Variants in SLX4IP observed in about 807,000 individuals in gnomAD.
SLX4IP encodes the protein SLX4 interacting protein.
Under a neutral mutation model 32.9 loss-of-function variants are expected in SLX4IP, and 34 were observed. That is an observed-to-expected ratio of 1.03 (90% CI 0.79 to 1.38). The LOEUF (loss-of-function observed/expected upper bound fraction) is 1.38. SLX4IP is among the 40% of genes most tolerant of loss of function. The pLI is 0.00. For synonymous variants in SLX4IP, 172 were observed against 171.7 expected, an observed-to-expected ratio of 1.00 and a Z score of -0.01; for missense variants, 444 against 479.0, an observed-to-expected ratio of 0.93 and a Z score of 0.68.
At chr20:10,441,423 C>T (rs1380809075) in intron 1 of SLX4IP, among the ~76,000 whole-genome samples, 12 of 152,044 alleles carry the variant, frequency 7.9e-5, no homozygotes, top group African/African-American at 2.2e-4. Flanking sequence ...GGCAACAGAC[C>T]GAGACCCTGT....
At chr20:10,556,403 G>C in intron 3 of SLX4IP, 83 bp downstream of exon 3, 1 of 1,344,880 alleles carries the variant, frequency 7.4e-7, no homozygotes, top group Admixed American at 2.1e-5. Context: ...TTTCATTTCT[G>C]TTAGTGGGAA....
intron 4 of SLX4IP, among the ~76,000 whole-genome samples, chr20:10,569,295 C>T (rs1194406882): frequency 1.3e-5 from 2 of 151,770 alleles, no homozygotes; most frequent in African/African-American, 2.4e-5. Context: ...AAGCGATTCT[C>T]CTGCCTCAGC....
chr20:10,452,149 A>G (rs919666253), intron 1 of SLX4IP, among the ~76,000 whole-genome samples: 3 of 152,176 alleles, frequency 2.0e-5, no homozygotes, highest in African/African-American at 7.2e-5. Context: ...AGGCTTGTGA[A>G]TTATGGTGTC....
rs942300845 is a variant in SLX4IP, at chr20:10,516,404, T to C, written c.28-39827T>C. On this transcript the variant is annotated intron_variant, in intron 2 of 7. Transcript: ENST00000334534. ...ACAGATTAATGTTGATTAATGTTAT[T>C]GAGCAAAGCTGAGGTATGATTCTAA... Among the ~76,000 whole-genome samples, 4 of 152,256 alleles carry C rather than the reference T, an allele frequency of 2.6e-5. No individual in the cohort carries two copies. The East Asian group carries it at 7.7e-4, about 29-fold the overall frequency.
chr20:10,457,016 A>G (rs1159744910), intron 1 of SLX4IP, among the ~76,000 whole-genome samples: 2 of 152,112 alleles, frequency 1.3e-5, no homozygotes, highest in African/African-American at 2.4e-5. Context: ...TTATTTTAGG[A>G]CTATTCATTG....
intron 2 of SLX4IP, among the ~76,000 whole-genome samples, chr20:10,470,710 G>C (rs1442095694): frequency 2.6e-5 from 4 of 152,142 alleles, no homozygotes; most frequent in Admixed American, 2.6e-4. Context: ...GTATGTACCA[G>C]GTCTAGCATC....
chr20:10,604,656 G>A (rs1196099988), intron 6 of SLX4IP, among the ~76,000 whole-genome samples: 1 of 152,240 alleles, frequency 6.6e-6, no homozygotes, highest in Admixed American at 6.5e-5. Flanking sequence ...CGCCAGGGAG[G>A]TCTGTCCCTG....
chr20:10,601,645 C>T (rs2066843198), intron 5 of SLX4IP, 86 bp from the exon 6 acceptor site: 1 of 1,146,382 alleles, frequency 8.7e-7, no homozygotes, highest in African/African-American at 1.5e-5. Flanking sequence ...ATTGCAGTAA[C>T]TTAAAATGAA....
chr20:10,486,483 C>T (rs1443917142), intron 2 of SLX4IP, among the ~76,000 whole-genome samples: 3 of 152,128 alleles, frequency 2.0e-5, no homozygotes, highest in Non-Finnish European at 4.4e-5. Context: ...ATATACTTTC[C>T]TTAAACCCTC....
chr20:10,619,898 C>G (rs2067087470), intron 6 of SLX4IP, among the ~76,000 whole-genome samples: 1 of 152,114 alleles, frequency 6.6e-6, no homozygotes, highest in Admixed American at 6.5e-5. Context: ...CCAATAAAAC[C>G]TAGAATATTC....
At chr20:10,534,623 C>G (rs1191682769) in intron 2 of SLX4IP, among the ~76,000 whole-genome samples, 2 of 152,126 alleles carry the variant, frequency 1.3e-5, no homozygotes, top group Non-Finnish European at 2.9e-5. Context: ...TCTGCTTTGT[C>G]CTGCTCCGTG....
intron 2 of SLX4IP, among the ~76,000 whole-genome samples, chr20:10,522,089 C>T (rs981343436): frequency 6.6e-6 from 1 of 152,162 alleles, no homozygotes; most frequent in East Asian, 1.9e-4. Context: ...CTTTCACCCC[C>T]CTTCAAGAGA....
At chr20:10,513,524 C>G (rs935599792) in intron 2 of SLX4IP, among the ~76,000 whole-genome samples, 1 of 152,216 alleles carries the variant, frequency 6.6e-6, no homozygotes, top group African/African-American at 2.4e-5. Context: ...ATTAGCTGCA[C>G]CTTTTCATTA....
At chr20:10,502,169 TTAAG>T (rs1349132193) in intron 2 of SLX4IP, among the ~76,000 whole-genome samples, 2 of 152,180 alleles carry the variant, frequency 1.3e-5, no homozygotes, top group Non-Finnish European at 2.9e-5. Flanking sequence ...ACTTACCCCT[TTAAG>T]TGAGGAGAGA....
intron 2 of SLX4IP, among the ~76,000 whole-genome samples, chr20:10,489,210 A>G: frequency 6.6e-6 from 1 of 152,164 alleles, no homozygotes; most frequent in East Asian, 1.9e-4. Context: ...GTATGGGGTC[A>G]TTCTTCTTAC....
chr20:10,536,380 G>T lies in SLX4IP; in HGVS notation c.28-19851G>T, dbSNP rs551474595. 4.6e-5 allele frequency among the ~76,000 whole-genome samples: 7 copies of T among 151,846 alleles called. No individual in the cohort carries two copies. The South Asian group carries it at 1.5e-3, about 32-fold the overall frequency. ...TTGTCTCTTTAAAAAAAAAAAAAAGGATTAAATAAATATGGTGAGTTGGTT... is the reference window on the plus strand; with the variant it reads ...TTGTCTCTTTAAAAAAAAAAAAAAGTATTAAATAAATATGGTGAGTTGGTT... On this transcript the variant is annotated intron_variant, in intron 2 of 7. Transcript: ENST00000334534.
intron 2 of SLX4IP, among the ~76,000 whole-genome samples, chr20:10,535,733 C>T (rs1006013212): frequency 3.3e-5 from 5 of 152,210 alleles, no homozygotes; most frequent in Admixed American, 2.6e-4. Flanking sequence ...ACCTGTGTTG[C>T]ATGCACATTC....
intron 2 of SLX4IP, among the ~76,000 whole-genome samples, chr20:10,472,142 T>A (rs914531129): frequency 2.0e-5 from 3 of 152,186 alleles, no homozygotes; most frequent in Non-Finnish European, 4.4e-5. Flanking sequence ...GTTTTCTTAT[T>A]TGTTTATTAT....
intron 2 of SLX4IP, among the ~76,000 whole-genome samples, chr20:10,534,726 C>G (rs74363703): frequency 9.2e-5 from 14 of 152,192 alleles, no homozygotes; most frequent in Non-Finnish European, 1.6e-4. Flanking sequence ...GAGCAGAGCA[C>G]AGGGGACAGT....
Sources: gnomAD v4.1 joint callset for allele counts (sites outside exome capture counted in the v4.1 genomes callset) on GRCh38, gnomAD v4.1.1 for gene constraint, MANE v1.5 for transcripts, NCBI Gene and HGNC (gene_info 2026-07-23, HGNC 2026-07-21) for gene names.